The following NCKAP5 variants were observed in gnomAD, a reference collection of about 807,000 sequenced individuals.
The protein encoded by NCKAP5 is NCK associated protein 5.
A neutral mutation model predicts 167.0 loss-of-function variants in NCKAP5; 92 were observed. The ratio of observed to expected loss-of-function variants is 0.55; its 90% CI spans 0.47 to 0.66. The LOEUF (loss-of-function observed/expected upper bound fraction) is 0.66, where lower values mean the gene tolerates loss of function less well. Among genes scored for constraint, NCKAP5 ranks in the 30% least tolerant of loss-of-function variants. The pLI is 0.00. For missense variants in NCKAP5, 2,378 were observed against 2,315.0 expected, an observed-to-expected ratio of 1.03 and a Z score of -0.56; for synonymous variants, 891 against 877.4, an observed-to-expected ratio of 1.02 and a Z score of -0.27.
intron 8 of NCKAP5, among the ~76,000 whole-genome samples, chr2:132,881,002 A>C (rs1009188054): frequency 6.6e-6 from 1 of 152,204 alleles, no homozygotes; most frequent in Non-Finnish European, 1.5e-5. Context: ...TATAGGAAAT[A>C]TAAATACAGT....
chr2:132,704,269 G>C (rs191558382), intron 19 of NCKAP5, among the ~76,000 whole-genome samples: 1 of 152,068 alleles, frequency 6.6e-6, no homozygotes, highest in Admixed American at 6.6e-5. Flanking sequence ...CCTACTTCCT[G>C]CTCCAGGAAT....
intron 3 of NCKAP5, among the ~76,000 whole-genome samples, chr2:133,384,664 A>G (rs1443240362): frequency 2.6e-5 from 4 of 152,128 alleles, no homozygotes; most frequent in Admixed American, 6.6e-5. Context: ...CCATTTTCAC[A>G]ATATTGATTC....
Position 132,920,709 on chromosome 2 carries a change from GTATATATATGTATA to G in NCKAP5, c.580-41807_580-41794del, listed in dbSNP as rs1445047981. On this transcript the variant is annotated intron_variant, in intron 8 of 19. Transcript: ENST00000409261. The stretch of plus-strand genomic sequence containing the variant: ...AGTTTATATATATATATACGTATAT[GTATATATATGTATA>G]TATATATATGTATATATATGTGTAT... Among the ~76,000 whole-genome samples the G allele has an allele frequency of 5.6e-4, 39 of 69,970 alleles. 2 individuals are homozygous for G. Among genetic ancestry groups the G allele is most frequent in the East Asian group, 4.9e-3 (14 of 2,848 alleles). 45.9% of individuals were successfully genotyped at this position (69,970 alleles called of 152,430 possible).
chr2:132,680,771 A>T (rs979715424), intron 19 of NCKAP5, among the ~76,000 whole-genome samples: 2 of 152,140 alleles, frequency 1.3e-5, no homozygotes, highest in Non-Finnish European at 2.9e-5. Context: ...AAATTTGCTT[A>T]TGGCACAGAA....
chr2:132,894,007 C>T (rs1005204170), intron 8 of NCKAP5, among the ~76,000 whole-genome samples: 19 of 152,154 alleles, frequency 1.2e-4, no homozygotes, highest in Admixed American at 4.6e-4. Context: ...TGTAATGGGC[C>T]CAGCAGGTGG....
intron 2 of NCKAP5, among the ~76,000 whole-genome samples, chr2:133,525,564 G>C (rs968698698): frequency 6.6e-6 from 1 of 152,216 alleles, no homozygotes; most frequent in Non-Finnish European, 1.5e-5. Context: ...AGAGAGGTCA[G>C]AGAAGAGAGG....
At chr2:133,258,230 A>T (rs1559325631) in intron 4 of NCKAP5, among the ~76,000 whole-genome samples, 1 of 152,174 alleles carries the variant, frequency 6.6e-6, no homozygotes, top group Non-Finnish European at 1.5e-5. Flanking sequence ...ACTGTCTTTG[A>T]CTACTGCATA....
At chr2:133,289,443 A>T (rs1013677337) in intron 4 of NCKAP5, among the ~76,000 whole-genome samples, 1 of 151,988 alleles carries the variant, frequency 6.6e-6, no homozygotes, top group Admixed American at 6.6e-5. Context: ...TCATATTGCC[A>T]TAAAAAAACT....
chr2:133,174,080 C>T (rs1205762037), intron 5 of NCKAP5, among the ~76,000 whole-genome samples: 1 of 152,166 alleles, frequency 6.6e-6, no homozygotes, highest in Non-Finnish European at 1.5e-5. Context: ...TATTCTATCT[C>T]TGTTCCAGCA....
intron 6 of NCKAP5, among the ~76,000 whole-genome samples, chr2:133,054,891 C>T (rs1225249564): frequency 6.6e-6 from 1 of 152,158 alleles, no homozygotes; most frequent in Non-Finnish European, 1.5e-5. Flanking sequence ...GGCACTATTG[C>T]TCCATCAAAC....
intron 4 of NCKAP5, among the ~76,000 whole-genome samples, chr2:133,290,977 T>C (rs1679555254): frequency 6.6e-6 from 1 of 152,038 alleles, no homozygotes; most frequent in Non-Finnish European, 1.5e-5. Flanking sequence ...CACCTCTGTC[T>C]CCCATGTGCT....
chr2:133,025,976 T>C (rs897820294), intron 6 of NCKAP5, among the ~76,000 whole-genome samples: 25 of 152,238 alleles, frequency 1.6e-4, no homozygotes, highest in African/African-American at 5.8e-4. Context: ...ATGTTCTCCC[T>C]CCCCCTCTCC....
chr2:133,068,137 T>A (rs1473854299), intron 6 of NCKAP5, among the ~76,000 whole-genome samples: 1 of 152,130 alleles, frequency 6.6e-6, no homozygotes, highest in Non-Finnish European at 1.5e-5. Context: ...TAGTAGTAGA[T>A]GCATCTACTA....
intron 8 of NCKAP5, among the ~76,000 whole-genome samples, chr2:132,955,482 T>A (rs900063013): frequency 1.3e-5 from 2 of 152,242 alleles, no homozygotes; most frequent in African/African-American, 4.8e-5. Context: ...TGAAAGGACA[T>A]GAATTCATTC....
chr2:133,387,244 G>A (rs1261545143), intron 3 of NCKAP5, among the ~76,000 whole-genome samples: 1 of 151,772 alleles, frequency 6.6e-6, no homozygotes, highest in Non-Finnish European at 1.5e-5. Context: ...AGGCCTGGTG[G>A]TGACAAAATC....
intron 4 of NCKAP5, among the ~76,000 whole-genome samples, chr2:133,232,720 A>C (rs1272824194): frequency 6.6e-6 from 1 of 152,214 alleles, no homozygotes; most frequent in Non-Finnish European, 1.5e-5. Context: ...CACTGATTAA[A>C]GGCAAGCAAG....
At chr2:133,294,591 T>C (rs1453063481) in intron 4 of NCKAP5, among the ~76,000 whole-genome samples, 1 of 152,180 alleles carries the variant, frequency 6.6e-6, no homozygotes, top group Non-Finnish European at 1.5e-5. Flanking sequence ...GAGGGAACGT[T>C]AGAGGCACCA....
At position 133,223,540 on chromosome 2, in the gene NCKAP5, AAT is replaced by A. The variant is rs1395504574; in HGVS notation, c.144-9763_144-9762del. 2.0e-5 allele frequency among the ~76,000 whole-genome samples: 3 copies of A among 152,172 alleles called. No homozygotes were observed. The East Asian group carries it at 5.8e-4, about 29-fold the overall frequency. ...TTAGCCTTTCCATGGCAGATCATTT[AAT>A]TACTCATCCCCTCTGACAGGGTGAG... On this transcript the variant is annotated intron_variant, in intron 4 of 19. Transcript: ENST00000409261.
Position 133,404,650 on chromosome 2 carries a change from C to T in NCKAP5, c.70-101540G>A, listed in dbSNP as rs143098532. 5.5e-3 allele frequency among the ~76,000 whole-genome samples: 842 copies of T among 152,286 alleles called. 25 individuals are homozygous for T. Among genetic ancestry groups the T allele is most frequent in the Admixed American group, 0.041 (629 of 15,302 alleles). On this transcript the variant is annotated intron_variant, in intron 3 of 19. Coordinates refer to ENST00000409261, the MANE Select transcript of NCKAP5 (RefSeq NM_207363.3). The stretch of plus-strand genomic sequence containing the variant: ...AGTGAAACTAGGTAAGCGAGGACTA[C>T]TGTTTTCTTTAATTGTAAAAGCAGA...
Sources: allele counts gnomAD v4.1 joint callset (sites outside exome capture counted in the v4.1 genomes callset), GRCh38; gene constraint gnomAD v4.1.1; transcripts MANE v1.5; gene names NCBI Gene and HGNC (gene_info 2026-07-23, HGNC 2026-07-21).